Variants in IBTK observed in about 807,000 individuals in gnomAD.
The protein encoded by IBTK is BTK-binding protein.
A neutral mutation model predicts 154.9 loss-of-function variants in IBTK; 83 were observed. The observed-to-expected ratio is 0.54, with a 90% confidence interval of 0.45 to 0.64. IBTK has a LOEUF of 0.64. Among genes scored for constraint, IBTK ranks in the 30% least tolerant of loss-of-function variants. The pLI is 0.00. For missense variants in IBTK, 1,332 were observed against 1,584.6 expected (o/e 0.84, Z 2.71); for synonymous variants, 515 against 536.1 (o/e 0.96, Z 0.54).
Position 82,176,999 on chromosome 6 carries a change from AAATAT to A in IBTK, c.3726-3566_3726-3562del, listed in dbSNP as rs151210872. 4.5e-3 allele frequency among the ~76,000 whole-genome samples: 682 copies of A among 152,298 alleles called. 4 individuals are homozygous for A. Among genetic ancestry groups the A allele is most frequent in the African/African-American group, 0.015 (622 of 41,562 alleles). The stretch of plus-strand genomic sequence containing the variant: ...TTTCTAATGTTTTTCACATGCTTAT[AAATAT>A]AATAATAAAATATTTGGAAATGAAT... On this transcript the variant is annotated intron_variant, in intron 26 of 28. Coordinates refer to ENST00000306270, the MANE Select transcript of IBTK (RefSeq NM_015525.4).
intron 2 of IBTK, among the ~76,000 whole-genome samples, chr6:82,234,697 A>C (rs1770651083): frequency 1.3e-5 from 2 of 152,094 alleles, no homozygotes; most frequent in Admixed American, 1.3e-4. Context: ...ACTGAAAAAA[A>C]ATTTAATAAT....
At chr6:82,212,362 AT>A (rs1183766332) in intron 13 of IBTK, among the ~76,000 whole-genome samples, 1 of 152,202 alleles carries the variant, frequency 6.6e-6, no homozygotes, top group African/African-American at 2.4e-5. Flanking sequence ...AAAGGCAATA[AT>A]CATAACAATG....
chr6:82,175,057 C>A, intron 26 of IBTK: 1 of 455,550 alleles, frequency 2.2e-6, no homozygotes, highest in Non-Finnish European at 4.4e-6. Context: ...ACATGTCAAT[C>A]TTAACTGCTA....
intron 4 of IBTK, among the ~76,000 whole-genome samples, chr6:82,230,324 T>C (rs1315052392): frequency 6.6e-6 from 1 of 152,212 alleles, no homozygotes; most frequent in East Asian, 1.9e-4. Flanking sequence ...GAAATGTAAG[T>C]TGAAATGGTA....
intron 25 of IBTK, among the ~76,000 whole-genome samples, chr6:82,189,784 A>T (rs1032461157): frequency 6.6e-6 from 1 of 152,234 alleles, no homozygotes; most frequent in African/African-American, 2.4e-5. Flanking sequence ...TTACAGCTAT[A>T]TTACCAAGTC....
chr6:82,180,807 G>A (rs1706068308), intron 26 of IBTK, among the ~76,000 whole-genome samples: 1 of 152,172 alleles, frequency 6.6e-6, no homozygotes, highest in Non-Finnish European at 1.5e-5. Context: ...CTCAGGACAG[G>A]TAAAGTGACA....
intron 2 of IBTK, among the ~76,000 whole-genome samples, chr6:82,237,652 GA>G (rs767554656): frequency 2.4e-5 from 2 of 83,624 alleles, no homozygotes; most frequent in African/African-American, 9.9e-5. Flanking sequence ...AGTAGTAGAA[GA>G]TAGTAGTGGT....
chr6:82,188,873 T>C (rs1270342581), intron 25 of IBTK, among the ~76,000 whole-genome samples: 1 of 151,908 alleles, frequency 6.6e-6, no homozygotes, highest in Non-Finnish European at 1.5e-5. Context: ...CTACTAAAAA[T>C]ACAAAAATTA....
At chr6:82,175,963 A>T (rs1470742583) in intron 26 of IBTK, among the ~76,000 whole-genome samples, 1 of 151,832 alleles carries the variant, frequency 6.6e-6, no homozygotes, top group Non-Finnish European at 1.5e-5. Flanking sequence ...CAGGAGGCAG[A>T]GGTTGCGGTG....
At chr6:82,200,449 C>T (rs9986527) in intron 20 of IBTK, 138 bp downstream of exon 20, 1 of 869,768 alleles carries the variant, frequency 1.1e-6, no homozygotes, top group Non-Finnish European at 1.7e-6. Flanking sequence ...CTACCTATTT[C>T]TTATGTCAGA....
chr6:82,220,929 A>C (rs9344259), intron 8 of IBTK, among the ~76,000 whole-genome samples: 35,582 of 119,846 alleles, frequency 0.3, 4,319 homozygotes, highest in African/African-American at 0.35. Flanking sequence ...CTCTTAAATG[A>C]CTTTACCTAC....
rs1208760750 is a variant in IBTK, at chr6:82,224,289, G to C, written c.826-104C>G. On this transcript the variant is annotated intron_variant, in intron 6 of 28. Coordinates refer to ENST00000306270, the MANE Select transcript of IBTK (RefSeq NM_015525.4). ...CAAATATATGGTATACTTGCTGTTA[G>C]TGGTCCACTCAAGTGCAATTGGCAG... 7.5e-6 allele frequency: 6 copies of C among 797,272 alleles called. No individual in the cohort carries two copies. In the East Asian group the frequency reaches 1.5e-4, roughly 20 times the overall value. 49.4% of individuals were successfully genotyped at this position (797,272 alleles called of 1,614,324 possible).
intron 2 of IBTK, among the ~76,000 whole-genome samples, chr6:82,237,756 A>G (rs1490775138): frequency 1.3e-5 from 2 of 151,450 alleles, no homozygotes; most frequent in Non-Finnish European, 2.9e-5. Flanking sequence ...TACTATTACT[A>G]TATAATAAAA....
intron 13 of IBTK, among the ~76,000 whole-genome samples, chr6:82,211,831 A>G (rs189296816): frequency 1.3e-5 from 2 of 152,242 alleles, no homozygotes; most frequent in African/African-American, 4.8e-5. Flanking sequence ...TTTTTATTCC[A>G]GAAAAACTGT....
At chr6:82,171,909 T>C (rs1035570028) in intron 28 of IBTK, among the ~76,000 whole-genome samples, 3 of 152,222 alleles carry the variant, frequency 2.0e-5, no homozygotes, top group Non-Finnish European at 4.4e-5. Context: ...TTCTGAGCTT[T>C]CCAGTGCTAC....
chr6:82,173,391 T>A lies in IBTK; in HGVS notation c.3773A>T (p.Asp1258Val). 2 of 1,613,562 alleles carry A rather than the reference T, an allele frequency of 1.2e-6. No homozygotes were observed. The highest frequency in any genetic ancestry group is 1.7e-6 in the Non-Finnish European group (2 of 1,179,620). ...TPGPEGNHIS[D>V]LPLLDSPNPW... ...CTTGGGACTGTCTAGAAGTGGTAAA[T>A]CTGAAATATGGTTGCCTTCTGGTCC... The change falls in exon 27 of 29, where the codon GAT (aspartate) becomes GTT (valine). Residue 1258 changes from aspartate to valine, a missense_variant. Physicochemically the swap from Asp to Val is radical, Grantham distance 152. Around this residue, in one of 3 missense-constraint regions of IBTK, gnomAD observed 1,134 missense variants for 1,274.7 expected, o/e 0.89. Coordinates refer to ENST00000306270, the MANE Select transcript of IBTK (RefSeq NM_015525.4).
intron 16 of IBTK, chr6:82,206,043 T>C (rs1406267209): frequency 2.0e-5 from 3 of 152,220 alleles, no homozygotes; most frequent in African/African-American, 7.2e-5. Flanking sequence ...TAATCAACTT[T>C]TCCAGAATTC....
intron 26 of IBTK, among the ~76,000 whole-genome samples, chr6:82,175,819 C>G (rs1271127966): frequency 6.6e-6 from 1 of 152,006 alleles, no homozygotes; most frequent in South Asian, 2.1e-4. Context: ...CACCTGAGGT[C>G]AGGAGTTCGA....
intron 2 of IBTK, among the ~76,000 whole-genome samples, chr6:82,237,527 G>A (rs1770762440): frequency 1.3e-5 from 2 of 151,170 alleles, no homozygotes; most frequent in African/African-American, 2.4e-5. Flanking sequence ...ATTTGTCCAC[G>A]ATGATTCACT....
Sources: allele counts gnomAD v4.1 joint callset (sites outside exome capture counted in the v4.1 genomes callset), GRCh38; gene constraint gnomAD v4.1.1; regional missense constraint gnomAD v4.1.1; transcripts MANE v1.5; gene names NCBI Gene and HGNC (gene_info 2026-07-23, HGNC 2026-07-21).